Variants in BLM observed in about 807,000 individuals in gnomAD.
BLM encodes the protein BLM RecQ like helicase.
In BLM, 95 loss-of-function variants were observed where a neutral mutation model predicts 135.3. The observed-to-expected ratio is 0.70, with a 90% confidence interval of 0.59 to 0.83. The LOEUF (loss-of-function observed/expected upper bound fraction) is 0.83. Ranked by LOEUF, BLM falls within the 40% of genes least tolerant of loss-of-function variation. The probability of loss-of-function intolerance (pLI) is 0.00; values close to 1 mark genes in which losing one functional copy is unlikely to be tolerated. For synonymous variants in BLM, 520 were observed against 589.2 expected (o/e 0.88, Z 1.70); for missense variants, 1,518 against 1,663.9 (o/e 0.91, Z 1.53).
chr15:90,760,066 C>T (rs1265487904), intron 5 of BLM, 81 bp from the exon 6 acceptor site: 2 of 1,361,468 alleles, frequency 1.5e-6, no homozygotes, highest in Admixed American at 2.0e-5. Context: ...GCTGGGATTA[C>T]AGTCATGAGC....
At chr15:90,763,685 C>T (rs1038950706) in intron 8 of BLM, among the ~76,000 whole-genome samples, 1 of 152,114 alleles carries the variant, frequency 6.6e-6, no homozygotes, top group African/African-American at 2.4e-5. Flanking sequence ...CAGTAAAGTA[C>T]CTGGTTCACA....
Position 90,804,088 on chromosome 15 carries a change from A to G in BLM, c.3559-79A>G. On this transcript the variant is annotated intron_variant, in intron 18 of 21. Transcript: ENST00000355112. ...AATAGAATTGCCCCCCAAAAATGCA[A>G]TTAAGCATTAAATAAAGCCCCTGTA... is the stretch of plus-strand genomic sequence containing the variant. The G allele has an allele frequency of 5.2e-6, 7 of 1,350,366 alleles. No individual in the cohort carries two copies. The South Asian group carries it at 6.3e-5, about 12-fold the overall frequency. The allele number at this position is 1,350,366 out of a possible 1,614,324, so 83.6% of individuals were successfully genotyped here.
chr15:90,795,167 A>G (rs1369964681), intron 16 of BLM, among the ~76,000 whole-genome samples: 1 of 152,216 alleles, frequency 6.6e-6, no homozygotes, highest in Non-Finnish European at 1.5e-5. Flanking sequence ...GGAGACCGAC[A>G]TACATGTGTT....
chr15:90,729,869 G>A (rs867154241), intron 1 of BLM, among the ~76,000 whole-genome samples: 3 of 151,768 alleles, frequency 2.0e-5, no homozygotes, highest in African/African-American at 4.8e-5. Context: ...TTTTTGAGAC[G>A]AAGTCTCGCT....
At chr15:90,745,653 C>T (rs1318454991) in intron 1 of BLM, among the ~76,000 whole-genome samples, 5 of 152,136 alleles carry the variant, frequency 3.3e-5, no homozygotes, top group Non-Finnish European at 5.9e-5. Context: ...TCAAGCGATC[C>T]GCTCACCTCA....
At chr15:90,722,344 C>T (rs1894792042) in intron 1 of BLM, among the ~76,000 whole-genome samples, 6 of 152,116 alleles carry the variant, frequency 3.9e-5, no homozygotes, top group African/African-American at 1.4e-4. Flanking sequence ...CTCCTGACCT[C>T]ATGATCCACC....
chr15:90,751,238 G>T (rs1469623171), intron 3 of BLM, among the ~76,000 whole-genome samples: 1 of 152,310 alleles, frequency 6.6e-6, no homozygotes, highest in African/African-American at 2.4e-5. Flanking sequence ...TCTAGGGTGA[G>T]AGAGCACTGA....
intron 17 of BLM, among the ~76,000 whole-genome samples, chr15:90,800,683 A>C (rs1021134884): frequency 1.3e-5 from 2 of 151,692 alleles, no homozygotes; most frequent in African/African-American, 4.8e-5. Flanking sequence ...TCCATCTCAA[A>C]AAAAAAAGAA....
intron 19 of BLM, among the ~76,000 whole-genome samples, chr15:90,807,625 T>C (rs1385079872): frequency 8.5e-5 from 13 of 152,120 alleles, no homozygotes; most frequent in Admixed American, 8.5e-4. Context: ...TCTCATACTC[T>C]TAGGCTGAAG....
intron 17 of BLM, among the ~76,000 whole-genome samples, chr15:90,801,965 A>T (rs1029365658): frequency 1.3e-5 from 2 of 152,122 alleles, no homozygotes; most frequent in African/African-American, 4.8e-5. Context: ...CTGATGTGGG[A>T]GGATCACCTG....
intron 20 of BLM, among the ~76,000 whole-genome samples, chr15:90,810,315 G>A (rs1439648480): frequency 6.6e-6 from 1 of 152,070 alleles, no homozygotes; most frequent in Non-Finnish European, 1.5e-5. Context: ...TCAGCCTCCT[G>A]AAGTGCTGGG....
At chr15:90,742,998 CTTTT>C (rs11306432) in intron 1 of BLM, among the ~76,000 whole-genome samples, 8 of 140,030 alleles carry the variant, frequency 5.7e-5, no homozygotes, top group Non-Finnish European at 6.2e-5. Context: ...TTTCCTGTGA[CTTTT>C]TTTTTTTTTT....
At chr15:90,756,128 G>A (rs1596224898) in intron 5 of BLM, among the ~76,000 whole-genome samples, 2 of 150,976 alleles carry the variant, frequency 1.3e-5, no homozygotes, top group East Asian at 3.9e-4. Context: ...TTTTGAGACG[G>A]AGTCTCGCTC....
intron 15 of BLM, among the ~76,000 whole-genome samples, chr15:90,793,216 A>G (rs1353125065): frequency 6.7e-6 from 1 of 149,420 alleles, no homozygotes; most frequent in Admixed American, 6.6e-5. Flanking sequence ...GCTCACTACA[A>G]CCTCCACCTC....
intron 1 of BLM, among the ~76,000 whole-genome samples, chr15:90,734,023 A>G (rs1895135677): frequency 6.6e-6 from 1 of 152,198 alleles, no homozygotes; most frequent in Non-Finnish European, 1.5e-5. Flanking sequence ...AATATTATGT[A>G]TAAAAATTAT....
rs550330986 is a variant in BLM, at chr15:90,721,866, G to C, written c.-5+4426G>C. On this transcript the variant is annotated intron_variant, in intron 1 of 21. Transcript: ENST00000355112. The stretch of plus-strand genomic sequence containing the variant: ...GAATCACTTGAACCCAGGAGGCAGA[G>C]ATTGCAGTGAGCCGAGATCACACCA... 8.2e-4 allele frequency among the ~76,000 whole-genome samples: 124 copies of C among 151,164 alleles called. 1 individual carries two copies. The highest frequency in any genetic ancestry group is 1.4e-3 in the Non-Finnish European group (93 of 67,800).
At chr15:90,785,124 A>AAT in intron 14 of BLM, 43 bp downstream of exon 14, 1 of 1,577,742 alleles carries the variant, frequency 6.3e-7, no homozygotes, top group Non-Finnish European at 8.6e-7. Context: ...ATAATCTTTT[A>AAT]TAGCATATAA....
intron 1 of BLM, among the ~76,000 whole-genome samples, chr15:90,721,695 G>T (rs1389125227): frequency 6.6e-6 from 1 of 151,970 alleles, no homozygotes; most frequent in East Asian, 2.0e-4. Context: ...CACTTTGGGA[G>T]GCCTAGGTGG....
chr15:90,807,270 A>G (rs1356893192), intron 19 of BLM, among the ~76,000 whole-genome samples: 1 of 152,238 alleles, frequency 6.6e-6, no homozygotes, highest in Admixed American at 6.5e-5. Flanking sequence ...ACAAAAATGT[A>G]GTGCGGCCTC....
Sources: gnomAD v4.1 joint callset for allele counts (sites outside exome capture counted in the v4.1 genomes callset) on GRCh38, gnomAD v4.1.1 for gene constraint, MANE v1.5 for transcripts, NCBI Gene and HGNC (gene_info 2026-07-23, HGNC 2026-07-21) for gene names.